The following SPEG variants were observed in gnomAD, a reference collection of about 807,000 sequenced individuals.
SPEG encodes the protein striated muscle enriched protein kinase, also known as striated muscle preferentially expressed protein kinase.
In SPEG, 114 loss-of-function variants were observed where a neutral mutation model predicts 300.4. The ratio of observed to expected loss-of-function variants is 0.38; its 90% CI spans 0.33 to 0.44. SPEG has a LOEUF of 0.44. Ranked by LOEUF, SPEG falls within the 20% of genes least tolerant of loss-of-function variation. SPEG has a pLI of 1.00. For missense variants in SPEG, 4,201 were observed against 4,586.2 expected, an observed-to-expected ratio of 0.92 and a Z score of 2.43; for synonymous variants, 1,964 against 2,018.9, an observed-to-expected ratio of 0.97 and a Z score of 0.73.
rs200286305 is a variant in SPEG, at chr2:219,488,830, G to A, written c.8079G>A (p.Thr2693=). 1.2e-4 allele frequency: 197 copies of A among 1,594,522 alleles called. 1 individual carries two copies. Among genetic ancestry groups the A allele is most frequent in the Middle Eastern group, 1.0e-3 (6 of 6,026 alleles). The change falls in exon 34 of 41, where the codon ACG becomes ACA. Residue 2693 remains threonine, a synonymous_variant. Transcript: ENST00000312358. ...AGGTACCCCAGACCTACCAGGACAC[G>A]GCGCTGGTGCTGTGGAAGCCGGGAG... is the stretch of plus-strand genomic sequence containing the variant. The part of the protein sequence containing the change: ...PPEVPQTYQD[T]ALVLWKPGDS...
chr2:219,447,844 GCA>G, intron 3 of SPEG, 128 bp from the exon 4 acceptor site: 4 of 801,184 alleles, frequency 5.0e-6, no homozygotes, highest in Non-Finnish European at 7.8e-6. Flanking sequence ...GGGGTGGGGG[GCA>G]GGAGGATCTG....
In SPEG at chr2:219,490,844, G is replaced by A. The variant is rs1693906738; in HGVS notation, c.9273G>A (p.Leu3091=). 2 of 1,613,948 alleles carry A rather than the reference G, an allele frequency of 1.2e-6. No individual in the cohort carries two copies. ...VLHLDIKPDN[L]LLAPDNALKI... ...ACCTAGACATCAAGCCAGACAACCT[G>A]CTGCTGGCCCCTGACAATGCCCTCA... The change falls in exon 38 of 41, where the codon CTG becomes CTA. Residue 3091 remains leucine, a synonymous_variant. Coordinates refer to ENST00000312358, the MANE Select transcript of SPEG (RefSeq NM_005876.5).
rs756219093 is a variant in SPEG at position 219,435,273 on chromosome 2, G to A, written c.296G>A (p.Gly99Glu). Residue 99 changes from glycine to glutamate, a missense_variant, in exon 1 of 41, where the codon GGG becomes GAG. By Grantham distance (98) the Gly-to-Glu change is moderately conservative (BLOSUM62 -2). Coordinates refer to ENST00000312358, the MANE Select transcript of SPEG (RefSeq NM_005876.5). ...EPSCLWLRRCGAQDAGVYSCM... is the reference protein window; with the variant it reads ...EPSCLWLRRCEAQDAGVYSCM... ...AGCTGCCTGTGGCTGCGGCGCTGCG[G>A]GGCGCAGGACGCCGGCGTGTACAGC... is the stretch of plus-strand genomic sequence containing the variant. The A allele has an allele frequency of 5.3e-6, 8 of 1,496,602 alleles. No homozygotes were observed. The highest frequency in any genetic ancestry group is 3.7e-5 in the South Asian group (3 of 80,432). The allele number at this position is 1,496,602 out of a possible 1,614,324, so 92.7% of individuals were successfully genotyped here.
chr2:219,442,080 C>T, intron 1 of SPEG: 1 of 1,194,778 alleles, frequency 8.4e-7, no homozygotes, highest in Non-Finnish European at 1.0e-6. Flanking sequence ...AGAAGCGTTT[C>T]CAGGTGAGGG....
chr2:219,445,295 G>A lies in SPEG; in HGVS notation c.815+134G>A. 1.1e-6 allele frequency: 1 copy of A among 869,868 alleles called. No individual in the cohort carries two copies. The highest frequency in any genetic ancestry group is 1.8e-6 in the Non-Finnish European group (1 of 546,796). 53.9% of individuals were successfully genotyped at this position (869,868 alleles called of 1,614,324 possible). A position where few individuals can be genotyped will look rare whatever the true frequency, so the allele number is the denominator to read the frequency against. ...TCTGTGCATTTCTTCACCCCCTGCT[G>A]CCACTCCATCTTCCCACACTGCTCC... On this transcript the variant is annotated intron_variant, in intron 3 of 40. Transcript: ENST00000312358. The surrounding 1 kb of genome is among the most constrained non-coding windows in gnomAD (Gnocchi z 6.1).
Position 219,464,386 on chromosome 2 carries a change from A to T in SPEG, c.2706-47A>T. On this transcript the variant is annotated intron_variant, in intron 8 of 40. Coordinates refer to ENST00000312358, the MANE Select transcript of SPEG (RefSeq NM_005876.5). The surrounding 1 kb of genome is among the most constrained non-coding windows in gnomAD (Gnocchi z 4.5). The stretch of plus-strand genomic sequence containing the variant: ...CTGCAGCCCCAGTTCCTGTGCACGC[A>T]CATCAGGCCCCTGGGCCCTGGGACT... 6.4e-7 allele frequency: 1 copy of T among 1,565,992 alleles called. No individual in the cohort carries two copies. The highest frequency in any genetic ancestry group is 2.2e-5 in the East Asian group (1 of 44,524).
chr2:219,448,268 A>T lies in SPEG; in HGVS notation c.1110A>T (p.Glu370Asp). The T allele has an allele frequency of 6.2e-7, 1 of 1,612,038 alleles. No individual in the cohort carries two copies. The highest frequency in any genetic ancestry group is 1.3e-5 in the African/African-American group (1 of 75,004). Residue 370 changes from glutamate to aspartate, a missense_variant, in exon 4 of 41, where the codon GAA becomes GAT. Glu to Asp is a conservative substitution (Grantham distance 45). Transcript: ENST00000312358. Reference sequence around the variant, plus strand: ...GGCCCTCCCTGGCGGGCACCGCGGAATCCCGACCCCAGACGCCACTGAGCG... The same window carrying T: ...GGCCCTCCCTGGCGGGCACCGCGGATTCCCGACCCCAGACGCCACTGAGCG... ...SSGPSLAGTA[E>D]SRPQTPLSEA...
Position 219,477,367 on chromosome 2 carries a change from G to A in SPEG, c.4651G>A (p.Asp1551Asn). ...GGTGGTGCTCAGCACGGGGGCCCAG[G>A]ATGGAGGCGTCTACACCTGCACCGC... Reference protein sequence around the residue: ...SLVVLSTGAQDGGVYTCTAQN... With the variant: ...SLVVLSTGAQNGGVYTCTAQN... The change falls in exon 20 of 41, where the codon GAT becomes AAT. Residue 1551 changes from aspartate (D) to asparagine (N), a missense_variant. Coordinates refer to ENST00000312358, the MANE Select transcript of SPEG (RefSeq NM_005876.5). The surrounding 1 kb of genome is among the most constrained non-coding windows in gnomAD (Gnocchi z 6.4). The A allele has an allele frequency of 6.2e-7, 1 of 1,612,878 alleles. No individual in the cohort carries two copies. Among genetic ancestry groups the A allele is most frequent in the Non-Finnish European group, 8.5e-7 (1 of 1,179,564 alleles).
Position 219,467,311 on chromosome 2 carries a change from C to T in SPEG, c.3019C>T (p.Leu1007=). The T allele has an allele frequency of 6.8e-6, 11 of 1,611,152 alleles. No homozygotes were observed. The highest frequency in any genetic ancestry group is 2.2e-5 in the East Asian group (1 of 44,892). The change falls in exon 10 of 41, where the codon CTG becomes TTG. Residue 1007 remains leucine (L), a synonymous_variant. Coordinates refer to ENST00000312358, the MANE Select transcript of SPEG (RefSeq NM_005876.5). ...GGTGGATTGGCTGTGCCGTGGCCGC[C>T]TGCTGCAGCCTGCACTGCTCAAATG... The part of the protein sequence containing the change: ...VEVDWLCRGR[L]LQPALLKCKM...
chr2:219,447,703 G>T (rs1017945411), intron 3 of SPEG, among the ~76,000 whole-genome samples: 1 of 152,168 alleles, frequency 6.6e-6, no homozygotes, highest in South Asian at 2.1e-4. Context: ...TCCAGGGCTG[G>T]GGGGAGGAGG....
Position 219,484,267 on chromosome 2 carries a change from G to T in SPEG, c.6804G>T (p.Pro2268=), listed in dbSNP as rs762091135. 5 of 1,609,324 alleles carry T rather than the reference G, an allele frequency of 3.1e-6. No homozygotes were observed. In the South Asian group the frequency reaches 4.4e-5, roughly 14 times the overall value. The change falls in exon 30 of 41, where the codon CCG becomes CCT. Residue 2268 remains proline (P), a synonymous_variant. Transcript: ENST00000312358. Reference sequence around the variant, plus strand: ...GCCCCTCGCAGGGCCCTGCCGCGCCGCCTTCAGAGCCCAAGCCCCACGCTG... The same window carrying T: ...GCCCCTCGCAGGGCCCTGCCGCGCCTCCTTCAGAGCCCAAGCCCCACGCTG... The part of the protein sequence containing the change: ...AQGPSQGPAA[P]PSEPKPHAAV...
chr2:219,472,327 C>T lies in SPEG; in HGVS notation c.3936C>T (p.Ala1312=). 1 of 1,613,308 alleles carries T rather than the reference C, an allele frequency of 6.2e-7. No individual in the cohort carries two copies. The highest frequency in any genetic ancestry group is 8.5e-7 in the Non-Finnish European group (1 of 1,179,678). The part of the protein sequence containing the change: ...TWNPPRSLDM[A]IDPDSLTYTV... ...ACCCCCCCAGGAGTCTGGACATGGCCATCGGTGGGTCAGGGCTGCACAGGG... is the reference window on the plus strand; with the variant it reads ...ACCCCCCCAGGAGTCTGGACATGGCTATCGGTGGGTCAGGGCTGCACAGGG... Residue 1312 remains alanine, a synonymous_variant, in exon 15 of 41, where the codon GCC becomes GCT. Transcript: ENST00000312358.
Position 219,483,446 on chromosome 2 carries a change from C to A in SPEG, c.5983C>A (p.Pro1995Thr). 1 of 1,535,458 alleles carries A rather than the reference C, an allele frequency of 6.5e-7. No individual in the cohort carries two copies. Among genetic ancestry groups the A allele is most frequent in the South Asian group, 1.2e-5 (1 of 83,008 alleles). ...TCCCAGCCCAGAGGCCCTCCCCTCC[C>A]CAGGCCAGGAGCCCGCAGCTGGGGC... ...EAPSPEALPS[P>T]GQEPAAGASP... The change falls in exon 30 of 41, where the codon CCA (proline) becomes ACA (threonine). Residue 1995 changes from proline (P) to threonine (T), a missense_variant. Around this residue, in one of 4 missense-constraint regions of SPEG, gnomAD observed 1,578 missense variants for 1,506.0 expected, o/e 1.05. Coordinates refer to ENST00000312358, the MANE Select transcript of SPEG (RefSeq NM_005876.5).
intron 13 of SPEG, 81 bp from the exon 14 acceptor site, chr2:219,471,787 A>C: frequency 1.3e-6 from 2 of 1,561,676 alleles, no homozygotes; most frequent in Non-Finnish European, 1.7e-6. Context: ...GGGGTGAGGG[A>C]CCAGGCCCGG....
Position 219,435,401 on chromosome 2 carries a change from G to A in SPEG, c.388+36G>A, listed in dbSNP as rs571172779. 4.0e-6 allele frequency: 6 copies of A among 1,510,448 alleles called. No individual in the cohort carries two copies. In the South Asian group the frequency reaches 4.9e-5, roughly 12 times the overall value. The allele number at this position is 1,510,448 out of a possible 1,614,324, so 93.6% of individuals were successfully genotyped here. On this transcript the variant is annotated intron_variant, in intron 1 of 40. Transcript: ENST00000312358. ...GGTGGGGGCCGCGCCCGGCAGGGGCGGGGTGCTCAGAGGTAGAAAAGGGCT... is the reference window on the plus strand; with the variant it reads ...GGTGGGGGCCGCGCCCGGCAGGGGCAGGGTGCTCAGAGGTAGAAAAGGGCT...
rs1575066664 is a variant in SPEG at position 219,451,441 on chromosome 2, T to C, written c.2257+162T>C. On this transcript the variant is annotated intron_variant, in intron 5 of 40. Coordinates refer to ENST00000312358, the MANE Select transcript of SPEG (RefSeq NM_005876.5). The surrounding 1 kb of genome is among the most constrained non-coding windows in gnomAD (Gnocchi z 6.4). Reference sequence around the variant, plus strand: ...ACTTGGGTGTGTGTTCAGGGACATTTCTCAGGACCCCCGAGAGAAGGGAGG... The same window carrying C: ...ACTTGGGTGTGTGTTCAGGGACATTCCTCAGGACCCCCGAGAGAAGGGAGG... Among the ~76,000 whole-genome samples, 5 of 151,936 alleles carry C rather than the reference T, an allele frequency of 3.3e-5. No homozygotes were observed. Among genetic ancestry groups the C allele is most frequent in the Admixed American group, 6.6e-5 (1 of 15,264 alleles).
At chr2:219,467,767 A>G (rs1011274308) in intron 10 of SPEG, among the ~76,000 whole-genome samples, 1 of 152,242 alleles carries the variant, frequency 6.6e-6, no homozygotes, top group Non-Finnish European at 1.5e-5. Flanking sequence ...GTTCATCTGT[A>G]GAACAGGGAT....
intron 30 of SPEG, 28 bp from the exon 31 acceptor site, chr2:219,485,318 A>G (rs771561615): frequency 9.4e-6 from 15 of 1,596,062 alleles, no homozygotes; most frequent in Non-Finnish European, 1.3e-5. Flanking sequence ...CTGACTGAAC[A>G]AATACTCACG....
At chr2:219,474,582 T>C (rs1020357754) in intron 18 of SPEG, among the ~76,000 whole-genome samples, 1 of 152,148 alleles carries the variant, frequency 6.6e-6, no homozygotes. Context: ...GTACAGGAGC[T>C]GGGTTCAAGT....
Sources: gnomAD v4.1 joint callset for allele counts (sites outside exome capture counted in the v4.1 genomes callset) on GRCh38, gnomAD v4.1.1 for gene constraint, gnomAD v4.1.1 regional missense constraint, Gnocchi (gnomAD v3.1) non-coding constraint, MANE v1.5 for transcripts, NCBI Gene and HGNC (gene_info 2026-07-23, HGNC 2026-07-21) for gene names.